The following ANTXR1 variants were observed in gnomAD, a reference collection of about 807,000 sequenced individuals.
ANTXR1 encodes anthrax toxin receptor 1.
ANTXR1 carries 19 observed loss-of-function variants against 78.1 expected under a neutral mutation model. That is an observed-to-expected ratio of 0.24 (90% CI 0.17 to 0.36). The LOEUF is 0.36. Ranked by LOEUF, ANTXR1 falls within the 10% of genes least tolerant of loss-of-function variation. The pLI is 1.00. For missense variants in ANTXR1, 518 were observed against 718.6 expected (o/e 0.72, Z 3.19); for synonymous variants, 273 against 260.5 (o/e 1.05, Z -0.46).
chr2:69,136,091 C>T (rs1672903003), intron 12 of ANTXR1, among the ~76,000 whole-genome samples: 1 of 152,064 alleles, frequency 6.6e-6, no homozygotes, highest in African/African-American at 2.4e-5. Context: ...GCAGTGTTTT[C>T]CCTAATAGCT....
intron 12 of ANTXR1, among the ~76,000 whole-genome samples, chr2:69,134,155 C>T (rs528846710): frequency 1.3e-5 from 2 of 152,016 alleles, no homozygotes; most frequent in Non-Finnish European, 2.9e-5. Flanking sequence ...AATCTCCGTT[C>T]GAATATTGTG....
chr2:69,181,705 C>T, intron 14 of ANTXR1, 81 bp from the exon 15 acceptor site: 28 of 1,332,868 alleles, frequency 2.1e-5, no homozygotes, highest in Non-Finnish European at 3.0e-5. Context: ...ATAAGCTCTA[C>T]TCCTAATCAC....
intron 6 of ANTXR1, among the ~76,000 whole-genome samples, chr2:69,074,266 T>A (rs1670660989): frequency 6.6e-6 from 1 of 152,114 alleles, no homozygotes; most frequent in African/African-American, 2.4e-5. Context: ...ATTTGGAAAA[T>A]AATACATCTC....
intron 12 of ANTXR1, among the ~76,000 whole-genome samples, chr2:69,132,559 A>T (rs996322670): frequency 2.6e-5 from 4 of 152,264 alleles, no homozygotes; most frequent in African/African-American, 9.6e-5. Flanking sequence ...GCTGAGTGGC[A>T]ATCTCACCTT....
intron 8 of ANTXR1, among the ~76,000 whole-genome samples, chr2:69,086,114 A>C (rs1339547499): frequency 2.6e-5 from 4 of 152,244 alleles, no homozygotes; most frequent in Non-Finnish European, 5.9e-5. Flanking sequence ...CACACAAAAA[A>C]GTTCTCCAAC....
At chr2:69,225,878 C>G (rs1675438420) in intron 17 of ANTXR1, among the ~76,000 whole-genome samples, 1 of 152,154 alleles carries the variant, frequency 6.6e-6, no homozygotes, top group African/African-American at 2.4e-5. Flanking sequence ...AGAAAGAAGG[C>G]TGAAAGGCAA....
intron 12 of ANTXR1, among the ~76,000 whole-genome samples, chr2:69,142,203 G>A (rs2104416125): frequency 6.6e-6 from 1 of 152,310 alleles, no homozygotes; most frequent in African/African-American, 2.4e-5. Context: ...ATGAGACCAT[G>A]GAGGGGAATT....
chr2:69,112,324 G>A (rs747021134), intron 10 of ANTXR1, among the ~76,000 whole-genome samples: 45 of 152,226 alleles, frequency 3.0e-4, no homozygotes, highest in Non-Finnish European at 5.4e-4. Context: ...CCAAGTTCGC[G>A]CAGTTGGCAG....
At chr2:69,209,833 G>A (rs571823641) in intron 17 of ANTXR1, among the ~76,000 whole-genome samples, 8 of 152,354 alleles carry the variant, frequency 5.3e-5, no homozygotes, top group Non-Finnish European at 1.2e-4. Context: ...CCTGAGGAAA[G>A]ACATTTGGAT....
chr2:69,083,786 T>C (rs1436792039), intron 8 of ANTXR1, among the ~76,000 whole-genome samples: 1 of 152,172 alleles, frequency 6.6e-6, no homozygotes, highest in Non-Finnish European at 1.5e-5. Flanking sequence ...AGATTGCATC[T>C]GTAAAACATG....
intron 14 of ANTXR1, among the ~76,000 whole-genome samples, chr2:69,176,827 T>TGAG (rs1219510579): frequency 6.6e-6 from 1 of 152,236 alleles, no homozygotes; most frequent in East Asian, 1.9e-4. Flanking sequence ...GTGCTCCTTT[T>TGAG]CATTGATAGT....
At position 69,151,572 on chromosome 2, in the gene ANTXR1, C is replaced by T. The variant is rs73934764; in HGVS notation, c.952-597C>T. Among the ~76,000 whole-genome samples the T allele has an allele frequency of 6.8e-3, 1,040 of 152,290 alleles. 18 individuals are homozygous for T. Among genetic ancestry groups the T allele is most frequent in the African/African-American group, 0.024 (991 of 41,564 alleles). On this transcript the variant is annotated intron_variant, in intron 12 of 17. Coordinates refer to ENST00000303714, the MANE Select transcript of ANTXR1 (RefSeq NM_032208.3). ...GTCTTCAGTGCCTTCCTCCCTCCCT[C>T]ATTCCCATGTAGCCACTTGATCTGA...
chr2:69,239,471 C>T (rs1281002881), intron 17 of ANTXR1, among the ~76,000 whole-genome samples: 1 of 152,082 alleles, frequency 6.6e-6, no homozygotes, highest in African/African-American at 2.4e-5. Flanking sequence ...ACTTGGGAGG[C>T]TGAGGCAGAA....
chr2:69,194,896 G>A lies in ANTXR1; in HGVS notation c.1434+1481G>A, dbSNP rs553897341. Among the ~76,000 whole-genome samples the A allele has an allele frequency of 2.6e-3, 394 of 151,414 alleles. 2 individuals are homozygous for A. The highest frequency in any genetic ancestry group is 7.2e-3 in the Middle Eastern group (2 of 278). On this transcript the variant is annotated intron_variant, in intron 17 of 17. Coordinates refer to ENST00000303714, the MANE Select transcript of ANTXR1 (RefSeq NM_032208.3). ...TAAGAAAGAAATGCTCGGGCCGGGC[G>A]TGGTGTCTCACACTGGTAATCCCAG... is the stretch of plus-strand genomic sequence containing the variant.
intron 10 of ANTXR1, among the ~76,000 whole-genome samples, chr2:69,117,854 G>A (rs1039611224): frequency 3.3e-5 from 5 of 152,110 alleles, no homozygotes; most frequent in African/African-American, 4.8e-5. Context: ...ATTTGAGTCG[G>A]TGTGATCTGA....
At chr2:69,176,849 C>T (rs571357923) in intron 14 of ANTXR1, among the ~76,000 whole-genome samples, 1 of 152,294 alleles carries the variant, frequency 6.6e-6, no homozygotes, top group African/African-American at 2.4e-5. Context: ...CCTATTGAAA[C>T]CTGCAGTGAA....
chr2:69,039,414 G>A (rs180687691), intron 1 of ANTXR1, among the ~76,000 whole-genome samples: 25 of 152,148 alleles, frequency 1.6e-4, no homozygotes, highest in South Asian at 4.2e-4. Context: ...TTCCTTTTTC[G>A]TATAACAAAA....
intron 1 of ANTXR1, among the ~76,000 whole-genome samples, chr2:69,018,552 T>C (rs1671094249): frequency 6.6e-6 from 1 of 152,220 alleles, no homozygotes; most frequent in African/African-American, 2.4e-5. Flanking sequence ...TGGGAACTTG[T>C]GTGAGTCTTG....
At chr2:69,186,022 AC>A (rs1349943798) in intron 16 of ANTXR1, among the ~76,000 whole-genome samples, 1 of 151,930 alleles carries the variant, frequency 6.6e-6, no homozygotes, top group Non-Finnish European at 1.5e-5. Flanking sequence ...ACTAGATTTG[AC>A]CCCCCGCAGG....
Sources: gnomAD v4.1 joint callset for allele counts (sites outside exome capture counted in the v4.1 genomes callset) on GRCh38, gnomAD v4.1.1 for gene constraint, MANE v1.5 for transcripts, NCBI Gene and HGNC (gene_info 2026-07-23, HGNC 2026-07-21) for gene names.